ZP2: variants seen among roughly 807,000 people sequenced by gnomAD.
ZP2 encodes the protein zona pellucida sperm-binding protein 2.
Under a neutral mutation model 84.0 loss-of-function variants are expected in ZP2, and 51 were observed. That is an observed-to-expected ratio of 0.61 (90% CI 0.49 to 0.77). The LOEUF (loss-of-function observed/expected upper bound fraction) is 0.77, where lower values mean the gene tolerates loss of function less well. Ranked by LOEUF, ZP2 falls within the 30% of genes least tolerant of loss-of-function variation. The pLI is 0.00. For synonymous variants in ZP2, 375 were observed against 330.9 expected, an observed-to-expected ratio of 1.13 and a Z score of -1.45; for missense variants, 909 against 911.9, an observed-to-expected ratio of 1.00 and a Z score of 0.04.
intron 13 of ZP2, 39 bp from the exon 14 acceptor site, chr16:21,201,597 C>T (rs752497368): frequency 6.2e-7 from 1 of 1,601,996 alleles, no homozygotes; most frequent in Non-Finnish European, 8.5e-7. Context: ...ATGGCTGCAA[C>T]ACAGATTCAT....
chr16:21,207,353 T>G (rs1329421430), intron 4 of ZP2, among the ~76,000 whole-genome samples: 1 of 152,152 alleles, frequency 6.6e-6, no homozygotes, highest in Non-Finnish European at 1.5e-5. Flanking sequence ...GAGCTACCCT[T>G]GCTATTACCC....
chr16:21,203,032 T>C (rs999300863), intron 10 of ZP2, 93 bp downstream of exon 10: 7 of 1,453,508 alleles, frequency 4.8e-6, no homozygotes, highest in African/African-American at 2.8e-5. Context: ...CTATAAGCAA[T>C]AGATCAGAAT....
Position 21,202,291 on chromosome 16 carries a change from A to T in ZP2, c.1100T>A (p.Val367Asp), listed in dbSNP as rs2093230019. 2.7e-6 allele frequency: 4 copies of T among 1,505,196 alleles called. No individual in the cohort carries two copies. Among genetic ancestry groups the T allele is most frequent in the Non-Finnish European group, 3.5e-6 (4 of 1,130,768 alleles). The allele number at this position is 1,505,196 out of a possible 1,614,324, so 93.2% of individuals were successfully genotyped here. A position where few individuals can be genotyped will look rare whatever the true frequency, so the allele number is the denominator to read the frequency against. ...ECLCESPVSI[V>D]TGELCTQDGF... is the part of the protein sequence containing the mutation. ...ATCCTGGGTGCACAGCTCCCCTGTA[A>T]CTAGACAGCGGTGAAAGTTTAGAGA... Residue 367 changes from valine (V) to aspartate (D), a missense_variant and splice_region_variant, in exon 11 of 19, where the codon GTT (valine) becomes GAT (aspartate). Coordinates refer to ENST00000574091, the MANE Select transcript of ZP2 (RefSeq NM_001376232.1).
At chr16:21,211,667 TC>T, upstream of ZP2, 1 of 1,582,668 alleles carries the variant, frequency 6.3e-7, no homozygotes. Context: ...TGTCCCATTC[TC>T]CCAGCTGAAA....
At chr16:21,211,275 C>G (rs2075519) in intron 2 of ZP2, 32 bp downstream of exon 2, 1 of 1,602,796 alleles carries the variant, frequency 6.2e-7, no homozygotes, top group African/African-American at 1.3e-5. Context: ...GTTTTCTCTG[C>G]TAAGAAGACT....
intron 14 of ZP2, among the ~76,000 whole-genome samples, chr16:21,200,466 G>C (rs1188225833): frequency 6.6e-6 from 1 of 152,140 alleles, no homozygotes; most frequent in Non-Finnish European, 1.5e-5. Flanking sequence ...CTTAGTAACT[G>C]AGCTACCACA....
At chr16:21,203,062 C>G in intron 10 of ZP2, 63 bp downstream of exon 10, 1 of 1,570,162 alleles carries the variant, frequency 6.4e-7, no homozygotes, top group Non-Finnish European at 8.6e-7. Context: ...TATACATTTG[C>G]CCACATGTAC....
At chr16:21,210,309 C>G in intron 2 of ZP2, 117 bp from the exon 3 acceptor site, 1 of 772,502 alleles carries the variant, frequency 1.3e-6, no homozygotes, top group East Asian at 2.6e-5. Context: ...AAGAATCGTC[C>G]CCTACCCTGG....
chr16:21,199,133 C>A (rs1272019909), intron 16 of ZP2, among the ~76,000 whole-genome samples: 1 of 151,748 alleles, frequency 6.6e-6, no homozygotes, highest in African/African-American at 2.4e-5. Flanking sequence ...CTGGCCTGGC[C>A]AACATGGTGA....
At position 21,197,494 on chromosome 16, in the gene ZP2, C is replaced by T; in HGVS notation, c.2224G>A (p.Val742Met). 3.1e-6 allele frequency: 5 copies of T among 1,614,152 alleles called. No individual in the cohort carries two copies. The highest frequency in any genetic ancestry group is 4.2e-6 in the Non-Finnish European group (5 of 1,180,018). Reference protein sequence around the residue: ...FIYYLYEKRTVSNH With the variant: ...FIYYLYEKRTMSNH ...TAGAAGCCCATTTAGTGATTTGACA[C>T]AGTCCTTTTCTCGTACAGGTAGTAG... Residue 742 changes from valine to methionine, a missense_variant, in exon 19 of 19, where the codon GTG (valine) becomes ATG (methionine). Coordinates refer to ENST00000574091, the MANE Select transcript of ZP2 (RefSeq NM_001376232.1).
intron 14 of ZP2, among the ~76,000 whole-genome samples, chr16:21,200,144 C>T (rs550473598): frequency 6.6e-6 from 1 of 152,264 alleles, no homozygotes; most frequent in East Asian, 1.9e-4. Flanking sequence ...TTTCAGAAGA[C>T]ACTGGTTTCT....
Position 21,202,128 on chromosome 16 carries a change from C to T in ZP2, c.1263G>A (p.Leu421=). ...SQGLVRFHIP[L]NGCGTRYKFE... ...CCTTATATCTCGTTCCACATCCATTCAGGGGTATGTGGAACCGTACCAGCC... is the reference window on the plus strand; with the variant it reads ...CCTTATATCTCGTTCCACATCCATTTAGGGGTATGTGGAACCGTACCAGCC... The change falls in exon 11 of 19, where the codon CTG becomes CTA. Residue 421 remains leucine (L), a synonymous_variant. Coordinates refer to ENST00000574091, the MANE Select transcript of ZP2 (RefSeq NM_001376232.1). The T allele has an allele frequency of 6.2e-7, 1 of 1,613,336 alleles. No individual in the cohort carries two copies.
At chr16:21,205,704 G>C (rs1597587845) in intron 6 of ZP2, 27 bp downstream of exon 6, 1 of 1,613,784 alleles carries the variant, frequency 6.2e-7, no homozygotes, top group Non-Finnish European at 8.5e-7. Flanking sequence ...GGTTATTAAG[G>C]TCTGATTTTT....
At position 21,199,011 on chromosome 16, in the gene ZP2, T is replaced by C. The variant is rs999044280; in HGVS notation, c.1928-149A>G. 1.6e-5 allele frequency: 12 copies of C among 733,194 alleles called. No individual in the cohort carries two copies. The African/African-American group carries it at 1.9e-4, about 12-fold the overall frequency. The allele number at this position is 733,194 out of a possible 1,614,324, so 45.4% of individuals were successfully genotyped here. On this transcript the variant is annotated intron_variant, in intron 16 of 18. Transcript: ENST00000574091. ...GCAGGCGAGGTTATGCCCTTTACTG[T>C]AGAAGTGGGATGGATTCTTGGGGTT... is the stretch of plus-strand genomic sequence containing the variant.
chr16:21,197,613 T>TCC lies in ZP2; in HGVS notation c.2103_2104dup (p.Asp702GlyfsTer30). ...TCCAGCAGTCTTGTGCCCTTTGGTG[T>TCC]CCATAGCACCTACAAAGGAAGCAGA... On this transcript the variant is annotated frameshift_variant, in exon 19 of 19. Coordinates refer to ENST00000574091, the MANE Select transcript of ZP2 (RefSeq NM_001376232.1). LOFTEE classifies it low-confidence loss of function (END_TRUNC). 1 of 1,614,138 alleles carries TCC rather than the reference T, an allele frequency of 6.2e-7. No homozygotes were observed. The highest frequency in any genetic ancestry group is 8.5e-7 in the Non-Finnish European group (1 of 1,180,010).
intron 4 of ZP2, among the ~76,000 whole-genome samples, chr16:21,208,575 C>T (rs1348796797): frequency 1.3e-5 from 2 of 152,234 alleles, no homozygotes; most frequent in African/African-American, 4.8e-5. Context: ...TTCCAAATTA[C>T]AACTTGCTAG....
chr16:21,199,612 G>C lies in ZP2; in HGVS notation c.1885C>G (p.Leu629Val). ...ICNRLSPDSP[L>V]CSVTCPVSSR... ...GACACAGGGCAGGTCACAGAACACAGTGGGGAGTCAGGGGAGAGTCGATTA... is the reference window on the plus strand; with the variant it reads ...GACACAGGGCAGGTCACAGAACACACTGGGGAGTCAGGGGAGAGTCGATTA... The change falls in exon 16 of 19, where the codon CTG becomes GTG. Residue 629 changes from leucine (L) to valine (V), a missense_variant. Coordinates refer to ENST00000574091, the MANE Select transcript of ZP2 (RefSeq NM_001376232.1). 2 of 1,613,820 alleles carry C rather than the reference G, an allele frequency of 1.2e-6. No individual in the cohort carries two copies. Among genetic ancestry groups the C allele is most frequent in the Non-Finnish European group, 1.7e-6 (2 of 1,179,886 alleles).
chr16:21,199,464 G>T, intron 16 of ZP2, 106 bp downstream of exon 16: 2 of 1,013,912 alleles, frequency 2.0e-6, no homozygotes, highest in Non-Finnish European at 2.8e-6. Context: ...AGAGCTCTGG[G>T]CAGTAAATAA....
rs1425119661 is a variant in ZP2 at position 21,199,619 on chromosome 16, G to A, written c.1878C>T (p.Asp626=). The stretch of plus-strand genomic sequence containing the variant: ...GGCAGGTCACAGAACACAGTGGGGA[G>A]TCAGGGGAGAGTCGATTACAGATTA... ...SALICNRLSP[D]SPLCSVTCPV... is the part of the protein sequence containing the mutation. The change falls in exon 16 of 19, where the codon GAC becomes GAT. Residue 626 remains aspartate, a synonymous_variant. Coordinates refer to ENST00000574091, the MANE Select transcript of ZP2 (RefSeq NM_001376232.1). 8 of 1,613,886 alleles carry A rather than the reference G, an allele frequency of 5.0e-6. No individual in the cohort carries two copies. Among genetic ancestry groups the A allele is most frequent in the South Asian group, 1.1e-5 (1 of 90,954 alleles).
Sources: allele counts gnomAD v4.1 joint callset (sites outside exome capture counted in the v4.1 genomes callset), GRCh38; gene constraint gnomAD v4.1.1; transcripts MANE v1.5; gene names NCBI Gene and HGNC (gene_info 2026-07-23, HGNC 2026-07-21).